Variants in EBF2 observed in about 807,000 individuals in gnomAD.
EBF2 encodes transcription factor COE2.
A neutral mutation model predicts 72.8 loss-of-function variants in EBF2; 21 were observed. The ratio of observed to expected loss-of-function variants is 0.29; its 90% CI spans 0.20 to 0.42. The LOEUF (loss-of-function observed/expected upper bound fraction) is 0.42. EBF2 is among the 10% of genes least tolerant of loss of function. The pLI, the probability that EBF2 is intolerant of heterozygous loss-of-function variation, is 1.00. For synonymous variants in EBF2, 299 were observed against 274.2 expected, an observed-to-expected ratio of 1.09 and a Z score of -0.89; for missense variants, 637 against 731.2, an observed-to-expected ratio of 0.87 and a Z score of 1.49.
At chr8:25,983,453 A>G (rs911063036) in intron 6 of EBF2, among the ~76,000 whole-genome samples, 4 of 152,152 alleles carry the variant, frequency 2.6e-5, no homozygotes, top group African/African-American at 9.7e-5. Flanking sequence ...TTATAATTTA[A>G]AAGAAAACCT....
chr8:26,018,496 C>CAAAAAAAAAAAAAAAAAAAA (rs10555042), intron 6 of EBF2, among the ~76,000 whole-genome samples: 1 of 81,620 alleles, frequency 1.2e-5, no homozygotes, highest in African/African-American at 5.1e-5. Context: ...ACTAAAAATA[C>CAAAAAAAAAAAAAAAAAAAA]AAAAAAAAAA....
At chr8:25,846,710 C>T (rs1378965705) in intron 15 of EBF2, among the ~76,000 whole-genome samples, 1 of 152,098 alleles carries the variant, frequency 6.6e-6, no homozygotes, top group Admixed American at 6.6e-5. Context: ...TCTTCAGTCC[C>T]TTCCTTTTTC....
chr8:26,002,566 T>TC (rs11404177), intron 6 of EBF2, among the ~76,000 whole-genome samples: 50,366 of 152,040 alleles, frequency 0.33, 8,946 homozygotes, highest in Admixed American at 0.45. Flanking sequence ...CTACGGCCCT[T>TC]CCTCAAAGCA....
chr8:26,025,982 T>A (rs1224135456), intron 6 of EBF2, among the ~76,000 whole-genome samples: 1 of 152,104 alleles, frequency 6.6e-6, no homozygotes, highest in East Asian at 1.9e-4. Flanking sequence ...GAGACCAAAC[T>A]GGGCCCAGAG....
chr8:25,845,690 C>T (rs1801818970), intron 15 of EBF2, among the ~76,000 whole-genome samples: 1 of 152,188 alleles, frequency 6.6e-6, no homozygotes, highest in Non-Finnish European at 1.5e-5. Context: ...GGAAAAATCC[C>T]ACAGCAAAAT....
chr8:25,898,275 C>G (rs192082654), intron 7 of EBF2, among the ~76,000 whole-genome samples: 1 of 152,022 alleles, frequency 6.6e-6, no homozygotes, highest in African/African-American at 2.4e-5. Context: ...GGGGGAGTTA[C>G]ACAACTTGAG....
intron 6 of EBF2, among the ~76,000 whole-genome samples, chr8:26,000,767 A>G (rs1183360255): frequency 1.3e-5 from 2 of 152,190 alleles, no homozygotes; most frequent in African/African-American, 4.8e-5. Flanking sequence ...AAATTTGCAA[A>G]TTGTTCTTCC....
chr8:25,892,310 G>A lies in EBF2; in HGVS notation c.634-2441C>T, dbSNP rs541211140. On this transcript the variant is annotated intron_variant, in intron 7 of 15. Coordinates refer to ENST00000520164, the MANE Select transcript of EBF2 (RefSeq NM_022659.4). ...TGTACCTTGGGTAACTGAAACCACA[G>A]AAAGTGAAGCCTCCAAAGTGGACGG... Among the ~76,000 whole-genome samples the A allele has an allele frequency of 3.3e-5, 5 of 152,232 alleles. No homozygotes were observed. The East Asian group carries it at 9.7e-4, about 29-fold the overall frequency.
At chr8:25,855,387 A>G (rs886167052) in intron 14 of EBF2, among the ~76,000 whole-genome samples, 1 of 152,228 alleles carries the variant, frequency 6.6e-6, no homozygotes, top group Non-Finnish European at 1.5e-5. Context: ...TGAAGTTTGT[A>G]TGTAAAATTG....
At chr8:25,987,048 TA>T (rs11304313) in intron 6 of EBF2, among the ~76,000 whole-genome samples, 63,265 of 150,972 alleles carry the variant, frequency 0.42, 14,299 homozygotes, top group Non-Finnish European at 0.51. Flanking sequence ...ACCCTGGAAT[TA>T]AAAAAAAAAA....
intron 1 of EBF2, among the ~76,000 whole-genome samples, chr8:26,042,530 T>C (rs1805622757): frequency 1.3e-5 from 2 of 152,018 alleles, no homozygotes; most frequent in African/African-American, 4.8e-5. Context: ...ATCCCGTCTT[T>C]AGTCGAAACC....
At chr8:25,967,169 G>A (rs1042138632) in intron 6 of EBF2, among the ~76,000 whole-genome samples, 1 of 152,138 alleles carries the variant, frequency 6.6e-6, no homozygotes, top group Non-Finnish European at 1.5e-5. Flanking sequence ...AACTAACATC[G>A]GGAGAGGCAG....
chr8:25,922,837 A>G (rs2117136391), intron 6 of EBF2, among the ~76,000 whole-genome samples: 1 of 152,302 alleles, frequency 6.6e-6, no homozygotes, highest in East Asian at 1.9e-4. Flanking sequence ...CTCAGTATCC[A>G]ATAATCTGCA....
chr8:25,913,712 T>C (rs1803167628), intron 6 of EBF2, among the ~76,000 whole-genome samples: 1 of 152,182 alleles, frequency 6.6e-6, no homozygotes, highest in Admixed American at 6.5e-5. Context: ...TCTGGTTCTC[T>C]TTCTCTGCCA....
At chr8:25,851,142 C>T (rs559453332) in intron 14 of EBF2, among the ~76,000 whole-genome samples, 10 of 151,396 alleles carry the variant, frequency 6.6e-5, no homozygotes, top group Non-Finnish European at 1.5e-4. Flanking sequence ...ATCAAATCTA[C>T]CCAGCAATGG....
At chr8:25,867,839 C>T (rs764581673) in intron 10 of EBF2, among the ~76,000 whole-genome samples, 3 of 152,094 alleles carry the variant, frequency 2.0e-5, no homozygotes, top group Non-Finnish European at 4.4e-5. Flanking sequence ...TGATTGACTG[C>T]CAATCAGAAA....
intron 6 of EBF2, among the ~76,000 whole-genome samples, chr8:26,011,318 C>A (rs1804978320): frequency 6.6e-6 from 1 of 152,158 alleles, no homozygotes; most frequent in African/African-American, 2.4e-5. Context: ...TAAAAGAAAG[C>A]GATAGCAGCG....
chr8:25,968,584 T>C (rs746788414), intron 6 of EBF2, among the ~76,000 whole-genome samples: 12 of 152,122 alleles, frequency 7.9e-5, no homozygotes, highest in African/African-American at 1.2e-4. Context: ...TTGCTTCAGA[T>C]GGATTCTCAC....
intron 6 of EBF2, among the ~76,000 whole-genome samples, chr8:25,932,122 G>T (rs1803492091): frequency 1.3e-5 from 2 of 152,068 alleles, no homozygotes; most frequent in South Asian, 4.2e-4. Context: ...ACAAACCTTG[G>T]ACTGGAGGCA....
Sources: gnomAD v4.1 joint callset for allele counts (sites outside exome capture counted in the v4.1 genomes callset) on GRCh38, gnomAD v4.1.1 for gene constraint, MANE v1.5 for transcripts, NCBI Gene and HGNC (gene_info 2026-07-23, HGNC 2026-07-21) for gene names.